The following CAPS2 variants were observed in gnomAD, a reference collection of about 807,000 sequenced individuals.
CAPS2 encodes calcyphosine 2, also known as calcyphosin-2.
A neutral mutation model predicts 86.5 loss-of-function variants in CAPS2; 98 were observed. That is an observed-to-expected ratio of 1.13 (90% CI 0.96 to 1.34). The LOEUF (loss-of-function observed/expected upper bound fraction) is 1.34, where lower values mean the gene tolerates loss of function less well. Among genes scored for constraint, CAPS2 ranks in the 40% most tolerant of loss-of-function variants. CAPS2 has a pLI of 0.00. For synonymous variants in CAPS2, 210 were observed against 225.1 expected (o/e 0.93, Z 0.60); for missense variants, 729 against 686.8 (o/e 1.06, Z -0.69).
intron 1 of CAPS2, among the ~76,000 whole-genome samples, chr12:75,382,346 A>C (rs1432106764): frequency 6.6e-6 from 1 of 152,200 alleles, no homozygotes; most frequent in Non-Finnish European, 1.5e-5. Flanking sequence ...TTTCCTTAAA[A>C]TTTCAAGTGT....
chr12:75,305,293 A>G (rs1020191423), intron 7 of CAPS2, among the ~76,000 whole-genome samples: 1 of 152,228 alleles, frequency 6.6e-6, no homozygotes, highest in Non-Finnish European at 1.5e-5. Context: ...TAGAAGACAG[A>G]GAGAAGAGTT....
At chr12:75,333,667 AAGAT>A (rs1220156743), upstream of CAPS2, 3 of 152,206 alleles carry the variant, frequency 2.0e-5, no homozygotes, top group Non-Finnish European at 4.4e-5. Flanking sequence ...TATTTTTAAA[AAGAT>A]AGTAGCTGCA....
intron 1 of CAPS2, among the ~76,000 whole-genome samples, chr12:75,385,242 T>G (rs910869442): frequency 6.6e-6 from 1 of 152,170 alleles, no homozygotes; most frequent in African/African-American, 2.4e-5. Flanking sequence ...TTTCAAGTAT[T>G]CTGTTATAAG....
intron 1 of CAPS2, chr12:75,365,214 G>A (rs1241024215): frequency 6.6e-6 from 1 of 152,128 alleles, no homozygotes; most frequent in Non-Finnish European, 1.5e-5. Context: ...AACATCTGTA[G>A]GTTTTGTCAA....
chr12:75,292,686 C>T (rs1371589341), intron 12 of CAPS2, among the ~76,000 whole-genome samples: 1 of 145,046 alleles, frequency 6.9e-6, no homozygotes, highest in Non-Finnish European at 1.5e-5. Flanking sequence ...ATCTATAATA[C>T]ATATATAATA....
At chr12:75,305,936 C>T (rs2138674684) in intron 7 of CAPS2, 3 of 1,075,384 alleles carry the variant, frequency 2.8e-6, no homozygotes, top group Non-Finnish European at 4.2e-6. Context: ...CTGGTGAAAG[C>T]GCTGGAGCCC....
At position 75,287,111 on chromosome 12, in the gene CAPS2, T is replaced by TTA. The variant is rs1262483051; in HGVS notation, c.1396-2033_1396-2032dup. Among the ~76,000 whole-genome samples the TTA allele has an allele frequency of 4.0e-5, 6 of 150,206 alleles. No individual in the cohort carries two copies. The South Asian group carries it at 6.3e-4, about 16-fold the overall frequency. On this transcript the variant is annotated intron_variant, in intron 14 of 16. Transcript: ENST00000393284. ...ACACATATATATACATATATATATA[T>TTA]TATATATATATGTTTTCATCCATAG...
chr12:75,279,022 T>C (rs2033398211), exon 17 of CAPS2: 1 of 1,608,712 alleles, frequency 6.2e-7, no homozygotes, highest in Non-Finnish European at 8.5e-7. Context: ...CAACTTTTAA[T>C]GTTTCTAGAA....
At chr12:75,345,356 T>G (rs1042676238) in intron 1 of CAPS2, among the ~76,000 whole-genome samples, 7 of 152,276 alleles carry the variant, frequency 4.6e-5, no homozygotes, top group African/African-American at 1.7e-4. Flanking sequence ...ATTTTTAAAA[T>G]TATTTCAGAT....
chr12:75,348,431 C>T (rs1208659672), intron 1 of CAPS2, among the ~76,000 whole-genome samples: 1 of 152,158 alleles, frequency 6.6e-6, no homozygotes, highest in African/African-American at 2.4e-5. Context: ...CATGACCTTT[C>T]ACTTGGAAGC....
At chr12:75,287,008 C>A (rs1005774546) in intron 14 of CAPS2, among the ~76,000 whole-genome samples, 2 of 151,190 alleles carry the variant, frequency 1.3e-5, no homozygotes, top group Admixed American at 1.3e-4. Context: ...ATGTTTTCTG[C>A]GTTCTAGTCC....
chr12:75,331,765 G>A (rs981307830), upstream of CAPS2, among the ~76,000 whole-genome samples: 1 of 151,740 alleles, frequency 6.6e-6, no homozygotes, highest in African/African-American at 2.4e-5. Context: ...GGGTTTCACC[G>A]TTTTAGCCGG....
chr12:75,368,269 T>C (rs1465001605), intron 1 of CAPS2, among the ~76,000 whole-genome samples: 1 of 151,450 alleles, frequency 6.6e-6, no homozygotes, highest in East Asian at 1.9e-4. Context: ...ATTTTTTGCA[T>C]TTATTTTTAG....
At chr12:75,339,976 C>G (rs2139292222) in intron 1 of CAPS2, among the ~76,000 whole-genome samples, 1 of 152,140 alleles carries the variant, frequency 6.6e-6, no homozygotes, top group African/African-American at 2.4e-5. Context: ...AGCTTAGCTC[C>G]CACTTAGAAG....
chr12:75,370,250 T>G, intron 1 of CAPS2: 2 of 779,532 alleles, frequency 2.6e-6, no homozygotes, highest in Non-Finnish European at 4.3e-6. Flanking sequence ...TAACTTATCA[T>G]CACTTTGCTT....
At chr12:75,288,926 T>A (rs1217024905) in intron 14 of CAPS2, among the ~76,000 whole-genome samples, 6 of 151,912 alleles carry the variant, frequency 3.9e-5, no homozygotes, top group African/African-American at 1.5e-4. Flanking sequence ...GGACCAAGGA[T>A]CAGATGGGAG....
intron 1 of CAPS2, among the ~76,000 whole-genome samples, chr12:75,347,453 C>T (rs561843386): frequency 6.6e-6 from 1 of 151,808 alleles, no homozygotes; most frequent in East Asian, 1.9e-4. Context: ...TCAGCCATGA[C>T]AATATAAGAA....
chr12:75,327,657 T>G (rs2040912792), upstream of CAPS2, among the ~76,000 whole-genome samples: 1 of 151,830 alleles, frequency 6.6e-6, no homozygotes, highest in Non-Finnish European at 1.5e-5. Flanking sequence ...TGCCATTTTC[T>G]TATAATTTAA....
exon 6 of CAPS2, chr12:75,316,365 C>T (rs1276877545): frequency 6.4e-7 from 1 of 1,551,098 alleles, no homozygotes; most frequent in South Asian, 1.2e-5. Flanking sequence ...TCTGCATAAC[C>T]TTGCTGTAAG....
Sources: gnomAD v4.1 joint callset for allele counts (sites outside exome capture counted in the v4.1 genomes callset) on GRCh38, gnomAD v4.1.1 for gene constraint, MANE v1.5 for transcripts, NCBI Gene and HGNC (gene_info 2026-07-23, HGNC 2026-07-21) for gene names.